The following TENM2 variants were observed in gnomAD, a reference collection of about 807,000 sequenced individuals.
TENM2 encodes the protein teneurin-2.
In TENM2, 52 loss-of-function variants were observed where a neutral mutation model predicts 245.2. The ratio of observed to expected loss-of-function variants is 0.21; its 90% CI spans 0.17 to 0.27. TENM2 has a LOEUF of 0.27. TENM2 is among the 10% of genes least tolerant of loss of function. The pLI is 1.00. For synonymous variants in TENM2, 1,363 were observed against 1,438.9 expected, an observed-to-expected ratio of 0.95 and a Z score of 1.19; for missense variants, 3,046 against 3,666.8, an observed-to-expected ratio of 0.83 and a Z score of 4.37.
rs116300080 is a variant in TENM2, at chr5:167,539,929, A to T, written c.502+164456A>T. ...AATGTTTTTTCATTTCACACATCAGACGCTAATTAGCAAATATCTAATTAG... is the reference window on the plus strand; with the variant it reads ...AATGTTTTTTCATTTCACACATCAGTCGCTAATTAGCAAATATCTAATTAG... On this transcript the variant is annotated intron_variant, in intron 2 of 28. Transcript: ENST00000518659. Among the ~76,000 whole-genome samples the T allele has an allele frequency of 5.2e-3, 791 of 152,272 alleles. 8 individuals are homozygous for T. The highest frequency in any genetic ancestry group is 0.018 in the African/African-American group (754 of 41,564).
chr5:168,137,703 G>A (rs929795964), intron 12 of TENM2, among the ~76,000 whole-genome samples: 1 of 152,242 alleles, frequency 6.6e-6, no homozygotes, highest in Non-Finnish European at 1.5e-5. Flanking sequence ...AGAGATGGAA[G>A]ATACCGGAGG....
chr5:167,103,801 C>A, the TENM2 span, among the ~76,000 whole-genome samples: 1 of 151,930 alleles, frequency 6.6e-6, no homozygotes, highest in Non-Finnish European at 1.5e-5. Flanking sequence ...TCTTCCATGT[C>A]AAATCCTGCA....
At chr5:168,120,579 A>T (rs2152340554) in intron 10 of TENM2, among the ~76,000 whole-genome samples, 1 of 152,250 alleles carries the variant, frequency 6.6e-6, no homozygotes, top group South Asian at 2.1e-4. Flanking sequence ...TCACTATCCC[A>T]CCCAGTCTTA....
the TENM2 span, among the ~76,000 whole-genome samples, chr5:167,240,837 A>G: frequency 6.6e-6 from 1 of 152,084 alleles, no homozygotes; most frequent in African/African-American, 2.4e-5. Context: ...CCTTCTCCTC[A>G]TGTCTCCTTG....
intron 1 of TENM2, among the ~76,000 whole-genome samples, chr5:167,320,315 A>G (rs1168273814): frequency 2.0e-5 from 3 of 152,212 alleles, no homozygotes; most frequent in Non-Finnish European, 4.4e-5. Context: ...AAACTAGTCC[A>G]GGCAGTACAA....
intron 2 of TENM2, among the ~76,000 whole-genome samples, chr5:167,641,428 A>G (rs1779607432): frequency 6.6e-6 from 1 of 152,100 alleles, no homozygotes; most frequent in African/African-American, 2.4e-5. Flanking sequence ...TCAGTGAGGA[A>G]GTAAGGAACT....
At chr5:167,650,752 G>A (rs1034270629) in intron 2 of TENM2, among the ~76,000 whole-genome samples, 1 of 152,150 alleles carries the variant, frequency 6.6e-6, no homozygotes, top group Non-Finnish European at 1.5e-5. Flanking sequence ...AATCAGGTAT[G>A]AGCTGTATGA....
At chr5:167,423,086 C>T (rs979005922) in intron 2 of TENM2, among the ~76,000 whole-genome samples, 1 of 145,588 alleles carries the variant, frequency 6.9e-6, no homozygotes, top group African/African-American at 2.6e-5. Flanking sequence ...TGACACCGTA[C>T]CTTCATTTTT....
the TENM2 span, among the ~76,000 whole-genome samples, chr5:167,184,372 T>C: frequency 6.6e-6 from 1 of 152,200 alleles, no homozygotes; most frequent in Non-Finnish European, 1.5e-5. Flanking sequence ...TAGAGGACCT[T>C]ATACCAAGTT....
the TENM2 span, among the ~76,000 whole-genome samples, chr5:167,237,619 C>G: frequency 6.6e-6 from 1 of 152,250 alleles, no homozygotes; most frequent in East Asian, 1.9e-4. Flanking sequence ...TCCATTTAAG[C>G]CTTCTCATAA....
the TENM2 span, among the ~76,000 whole-genome samples, chr5:167,232,302 A>G: frequency 1.3e-5 from 2 of 152,150 alleles, no homozygotes; most frequent in Admixed American, 6.5e-5. Context: ...GTGCACCTGG[A>G]AAAGCTGAAA....
intron 2 of TENM2, among the ~76,000 whole-genome samples, chr5:167,517,073 C>A (rs1770431499): frequency 6.6e-6 from 1 of 152,160 alleles, no homozygotes; most frequent in Non-Finnish European, 1.5e-5. Context: ...TGTCAGTGAA[C>A]CTTACCTTGG....
At chr5:167,237,711 T>A in the TENM2 span, among the ~76,000 whole-genome samples, 1 of 151,998 alleles carries the variant, frequency 6.6e-6, no homozygotes, top group Non-Finnish European at 1.5e-5. Flanking sequence ...GGAGAACAAA[T>A]ACTATTTTAA....
At chr5:167,741,938 G>A (rs999422901) in intron 2 of TENM2, among the ~76,000 whole-genome samples, 3 of 152,090 alleles carry the variant, frequency 2.0e-5, no homozygotes, top group African/African-American at 7.2e-5. Context: ...ACCCTTTTCT[G>A]TTTTGATTGG....
chr5:168,212,647 G>A (rs1231478806), intron 20 of TENM2, among the ~76,000 whole-genome samples: 5 of 152,202 alleles, frequency 3.3e-5, no homozygotes, highest in African/African-American at 2.4e-5. Flanking sequence ...GAAAGGCCAT[G>A]CATTGACAAA....
the TENM2 span, among the ~76,000 whole-genome samples, chr5:167,208,720 A>G: frequency 6.6e-6 from 1 of 152,174 alleles, no homozygotes; most frequent in Non-Finnish European, 1.5e-5. Context: ...ATTTAAGCTA[A>G]ATTGATGGAG....
chr5:167,956,911 A>G (rs1353726641), intron 4 of TENM2, among the ~76,000 whole-genome samples: 1 of 152,184 alleles, frequency 6.6e-6, no homozygotes, highest in Non-Finnish European at 1.5e-5. Context: ...GATGTTCAGC[A>G]GGGATATTGG....
the TENM2 span, among the ~76,000 whole-genome samples, chr5:167,197,742 A>G: frequency 5.9e-4 from 89 of 152,058 alleles, no homozygotes; most frequent in East Asian, 1.7e-3. Flanking sequence ...CACCTTCAAA[A>G]TAGTTAAGTT....
chr5:167,586,112 C>CAAACA (rs1341285097), intron 2 of TENM2, among the ~76,000 whole-genome samples: 2 of 151,534 alleles, frequency 1.3e-5, no homozygotes, highest in Non-Finnish European at 2.9e-5. Flanking sequence ...GAGACTGTCT[C>CAAACA]AAACAAAACA....
Sources: gnomAD v4.1 joint callset for allele counts (sites outside exome capture counted in the v4.1 genomes callset) on GRCh38, gnomAD v4.1.1 for gene constraint, MANE v1.5 for transcripts, NCBI Gene and HGNC (gene_info 2026-07-23, HGNC 2026-07-21) for gene names.